The following GRIN2A variants were observed in gnomAD, a reference collection of about 807,000 sequenced individuals.
GRIN2A encodes glutamate ionotropic receptor NMDA type subunit 2A.
Under a neutral mutation model 113.4 loss-of-function variants are expected in GRIN2A, and 22 were observed. The observed-to-expected ratio is 0.19, with a 90% CI of 0.14 to 0.28. GRIN2A has a LOEUF of 0.28. GRIN2A is among the 10% of genes least tolerant of loss of function. The probability of loss-of-function intolerance (pLI) is 1.00; values close to 1 mark genes in which losing one functional copy is unlikely to be tolerated. For synonymous variants in GRIN2A, 827 were observed against 738.4 expected (o/e 1.12, Z -1.94); for missense variants, 1,502 against 1,887.0 (o/e 0.80, Z 3.78).
intron 11 of GRIN2A, among the ~76,000 whole-genome samples, chr16:9,771,641 G>A (rs767257071): frequency 2.7e-5 from 4 of 146,904 alleles, no homozygotes; most frequent in East Asian, 2.0e-4. Flanking sequence ...TCCTTGTGAC[G>A]TCTGTAACTT....
chr16:9,962,572 C>G (rs1242833610), intron 2 of GRIN2A, among the ~76,000 whole-genome samples: 1 of 152,136 alleles, frequency 6.6e-6, no homozygotes, highest in East Asian at 1.9e-4. Flanking sequence ...GATACCATCT[C>G]ACACCAGTTA....
In GRIN2A at chr16:9,989,017, ACTTTGGTG is replaced by A. The variant is rs552567924; in HGVS notation, c.415-50474_415-50467del. ...GAATCTTGATACGTGACCTGATAAG[ACTTTGGTG>A]CTCTCTGAACATCCATCTTCTTTGC... On this transcript the variant is annotated intron_variant, in intron 2 of 12. Transcript: ENST00000330684. Among the ~76,000 whole-genome samples the A allele has an allele frequency of 3.9e-5, 6 of 152,356 alleles. No individual in the cohort carries two copies. The East Asian group carries it at 1.2e-3, about 29-fold the overall frequency.
chr16:10,145,599 C>A (rs994055453), intron 2 of GRIN2A, among the ~76,000 whole-genome samples: 1 of 151,926 alleles, frequency 6.6e-6, no homozygotes, highest in Non-Finnish European at 1.5e-5. Context: ...TGTATGTTTG[C>A]TAATCTCCAT....
chr16:10,092,723 C>A (rs8049273), intron 2 of GRIN2A, among the ~76,000 whole-genome samples: 100 of 152,236 alleles, frequency 6.6e-4, no homozygotes, highest in African/African-American at 1.9e-3. Flanking sequence ...CAAGATCACA[C>A]AGCAAGCTAG....
At chr16:9,834,792 A>G (rs1480219507) in intron 7 of GRIN2A, among the ~76,000 whole-genome samples, 5 of 152,196 alleles carry the variant, frequency 3.3e-5, no homozygotes, top group African/African-American at 1.2e-4. Context: ...AGGACATTTT[A>G]CAAATTAGGT....
chr16:10,109,113 C>T (rs1041001665), intron 2 of GRIN2A, among the ~76,000 whole-genome samples: 1 of 150,366 alleles, frequency 6.7e-6, no homozygotes, highest in Non-Finnish European at 1.5e-5. Context: ...TTACTACAGA[C>T]TTTAAGATAT....
intron 2 of GRIN2A, among the ~76,000 whole-genome samples, chr16:9,995,226 G>A (rs1043895820): frequency 6.6e-6 from 1 of 152,168 alleles, no homozygotes; most frequent in Admixed American, 6.5e-5. Flanking sequence ...AGACTGCAGA[G>A]GGTTTGGAAA....
Position 10,180,321 on chromosome 16 carries a change from G to T in GRIN2A, c.91C>A (p.Pro31Thr), listed in dbSNP as rs199942034. Reference protein sequence around the residue: ...PAPSAAAEKGPPALNIAVMLG... With the variant: ...PAPSAAAEKGTPALNIAVMLG... ...ATCACCGCAATATTTAGCGCGGGGG[G>T]ACCCTTCTCCGCCGCCGCGCTCGGC... The change falls in exon 2 of 13, where the codon CCC becomes ACC. Residue 31 changes from proline (P) to threonine (T), a missense_variant. Pro to Thr is a conservative substitution (Grantham distance 38). This residue lies in a region of GRIN2A where 149 missense variants were observed against 179.1 expected (regional missense o/e 0.83). Coordinates refer to ENST00000330684, the MANE Select transcript of GRIN2A (RefSeq NM_001134407.3). This position sits in a 1 kb window ranked among gnomAD's most constrained non-coding sequence, Gnocchi z 7.0. The T allele has an allele frequency of 1.2e-6, 2 of 1,610,522 alleles. No homozygotes were observed. Among genetic ancestry groups the T allele is most frequent in the South Asian group, 1.1e-5 (1 of 91,084 alleles).
chr16:10,150,575 G>A (rs750790193), intron 2 of GRIN2A, among the ~76,000 whole-genome samples: 4 of 152,058 alleles, frequency 2.6e-5, no homozygotes, highest in Non-Finnish European at 5.9e-5. Context: ...CTCTCCTGCA[G>A]CCATCCTAGT....
intron 2 of GRIN2A, among the ~76,000 whole-genome samples, chr16:9,997,184 T>C (rs988354789): frequency 1.3e-5 from 2 of 152,226 alleles, no homozygotes; most frequent in South Asian, 4.1e-4. Context: ...CTGTAGACTT[T>C]CTAACACTGG....
intron 2 of GRIN2A, among the ~76,000 whole-genome samples, chr16:10,165,499 G>GAT (rs999813580): frequency 4.6e-5 from 6 of 129,690 alleles, no homozygotes; most frequent in South Asian, 5.3e-4. Context: ...TTATATTTTT[G>GAT]ATATATATAT....
chr16:10,137,153 G>A (rs943089154), intron 2 of GRIN2A, among the ~76,000 whole-genome samples: 3 of 152,164 alleles, frequency 2.0e-5, no homozygotes, highest in African/African-American at 7.2e-5. Flanking sequence ...AGAAAAGACA[G>A]AGTCGGAGGG....
At chr16:9,920,929 C>G (rs1465993561) in intron 3 of GRIN2A, among the ~76,000 whole-genome samples, 9 of 152,160 alleles carry the variant, frequency 5.9e-5, no homozygotes, top group Non-Finnish European at 1.2e-4. Flanking sequence ...TCTGCCTAGT[C>G]AGAATTACTA....
intron 10 of GRIN2A, among the ~76,000 whole-genome samples, chr16:9,820,275 C>T (rs1596462424): frequency 2.0e-5 from 3 of 152,280 alleles, no homozygotes; most frequent in African/African-American, 2.4e-5. Flanking sequence ...TGCATTTGTG[C>T]GCATGGTCTG....
In GRIN2A at chr16:10,120,959, T is replaced by A. The variant is rs578206182; in HGVS notation, c.414+59039A>T. ...CATTGTGGCATCTTTTCAGCCCCTG[T>A]ATCCACGATGCTAACTGAAAAATCC... On this transcript the variant is annotated intron_variant, in intron 2 of 12. Transcript: ENST00000330684. Among the ~76,000 whole-genome samples the A allele has an allele frequency of 1.8e-4, 27 of 152,294 alleles. No individual in the cohort carries two copies. The East Asian group carries it at 5.2e-3, about 29-fold the overall frequency.
chr16:10,169,199 C>T (rs1218972494), intron 2 of GRIN2A, among the ~76,000 whole-genome samples: 4 of 152,066 alleles, frequency 2.6e-5, no homozygotes, highest in African/African-American at 7.2e-5. Flanking sequence ...TTAGAGTCTA[C>T]GCAATCCTAA....
At chr16:10,124,363 G>A (rs963003787) in intron 2 of GRIN2A, among the ~76,000 whole-genome samples, 2 of 152,156 alleles carry the variant, frequency 1.3e-5, no homozygotes. Flanking sequence ...TGCCTGCCCT[G>A]TATGCAGTAG....
intron 3 of GRIN2A, among the ~76,000 whole-genome samples, chr16:9,905,860 C>A (rs1485655428): frequency 6.6e-6 from 1 of 152,116 alleles, no homozygotes; most frequent in Non-Finnish European, 1.5e-5. Flanking sequence ...GGCTCTAAAC[C>A]AATGTAATAG....
intron 11 of GRIN2A, among the ~76,000 whole-genome samples, chr16:9,788,901 C>G (rs1902417348): frequency 6.6e-6 from 1 of 152,036 alleles, no homozygotes; most frequent in Admixed American, 6.5e-5. Flanking sequence ...CACCACCACA[C>G]CTGGCTAATT....
Sources: gnomAD v4.1 joint callset for allele counts (sites outside exome capture counted in the v4.1 genomes callset) on GRCh38, gnomAD v4.1.1 for gene constraint, gnomAD v4.1.1 regional missense constraint, Gnocchi (gnomAD v3.1) non-coding constraint, MANE v1.5 for transcripts, NCBI Gene and HGNC (gene_info 2026-07-23, HGNC 2026-07-21) for gene names.